Variants in COL21A1 observed in about 807,000 individuals in gnomAD.
COL21A1 encodes the protein collagen type XXI alpha 1 chain, also known as collagen alpha-1(XXI) chain.
A neutral mutation model predicts 137.9 loss-of-function variants in COL21A1; 149 were observed. The observed-to-expected ratio is 1.08, with a 90% confidence interval of 0.95 to 1.24. The LOEUF (loss-of-function observed/expected upper bound fraction) is 1.24. Among genes scored for constraint, COL21A1 ranks in the 50% most tolerant of loss-of-function variants. The pLI is 0.00. For synonymous variants in COL21A1, 456 were observed against 391.5 expected, an observed-to-expected ratio of 1.16 and a Z score of -1.95; for missense variants, 1,167 against 1,158.4, an observed-to-expected ratio of 1.01 and a Z score of -0.11.
At chr6:56,065,066 A>T (rs1325039099) in intron 23 of COL21A1, among the ~76,000 whole-genome samples, 12 of 127,150 alleles carry the variant, frequency 9.4e-5, no homozygotes, top group Admixed American at 7.6e-4. Context: ...ACATTTTAGT[A>T]AAAAAAAAGC....
At chr6:56,364,642 C>T (rs1766055054) in intron 1 of COL21A1, among the ~76,000 whole-genome samples, 1 of 152,082 alleles carries the variant, frequency 6.6e-6, no homozygotes, top group South Asian at 2.1e-4. Flanking sequence ...TGGTGCCCTT[C>T]ATTTTATCTT....
At chr6:56,322,053 G>C (rs1408424597) in intron 1 of COL21A1, among the ~76,000 whole-genome samples, 4 of 152,042 alleles carry the variant, frequency 2.6e-5, no homozygotes, top group Non-Finnish European at 5.9e-5. Context: ...GTTGGACTGA[G>C]AAAAAGCTCC....
chr6:56,168,240 T>C lies in COL21A1; in HGVS notation c.1084A>G (p.Thr362Ala). 1 of 1,573,210 alleles carries C rather than the reference T, an allele frequency of 6.4e-7. No homozygotes were observed. The highest frequency in any genetic ancestry group is 8.6e-7 in the Non-Finnish European group (1 of 1,156,718). ...ATTTGTTGGTCATCAATATACAAAG[T>C]CACATCTTGTTCTGTTACTAAGAGA... Reference protein sequence around the residue: ...IRLLVTEQDVTLYIDDQQIEN... With the variant: ...IRLLVTEQDVALYIDDQQIEN... Residue 362 changes from threonine (T) to alanine (A), a missense_variant, in exon 6 of 30, where the codon ACT (threonine) becomes GCT (alanine). Thr to Ala is a moderately conservative substitution (Grantham distance 58, BLOSUM62 0). Coordinates refer to ENST00000244728, the MANE Select transcript of COL21A1 (RefSeq NM_030820.4).
chr6:56,296,029 T>A (rs984873886), intron 1 of COL21A1, among the ~76,000 whole-genome samples: 1 of 151,992 alleles, frequency 6.6e-6, no homozygotes, highest in African/African-American at 2.4e-5. Flanking sequence ...TGAGAAAGCA[T>A]CTAGTTTCTC....
intron 1 of COL21A1, among the ~76,000 whole-genome samples, chr6:56,391,837 A>G (rs1399564584): frequency 1.3e-5 from 2 of 152,180 alleles, no homozygotes; most frequent in African/African-American, 4.8e-5. Context: ...ATAGACCAAC[A>G]ACAAGTAACA....
chr6:56,188,676 G>A (rs9475596), intron 1 of COL21A1, among the ~76,000 whole-genome samples: 3,294 of 152,244 alleles, frequency 0.022, 121 homozygotes, highest in African/African-American at 0.075. Flanking sequence ...CCTGACGCCC[G>A]TTTATCCTGG....
At chr6:56,073,363 C>T (rs190040124) in intron 20 of COL21A1, among the ~76,000 whole-genome samples, 1 of 151,550 alleles carries the variant, frequency 6.6e-6, no homozygotes, top group East Asian at 2.0e-4. Context: ...GGAAGAGCAG[C>T]TACCTTTTCT....
At chr6:56,100,927 C>A (rs1770403318) in intron 17 of COL21A1, among the ~76,000 whole-genome samples, 1 of 152,096 alleles carries the variant, frequency 6.6e-6, no homozygotes, top group Non-Finnish European at 1.5e-5. Flanking sequence ...GGGTAGGTAC[C>A]TTTGATGAAT....
chr6:56,168,023 C>G (rs1776724671), intron 6 of COL21A1, 101 bp downstream of exon 6: 1 of 823,762 alleles, frequency 1.2e-6, no homozygotes, highest in East Asian at 2.8e-5. Flanking sequence ...TAAGGGAATT[C>G]ATAAGTATGT....
intron 20 of COL21A1, among the ~76,000 whole-genome samples, chr6:56,072,870 C>T (rs1322329627): frequency 6.6e-6 from 1 of 151,412 alleles, no homozygotes; most frequent in Non-Finnish European, 1.5e-5. Flanking sequence ...CTTCTTAGAT[C>T]TATTTTTAAC....
chr6:56,275,301 G>C (rs1226990601), intron 1 of COL21A1, among the ~76,000 whole-genome samples: 2 of 152,104 alleles, frequency 1.3e-5, no homozygotes, highest in African/African-American at 2.4e-5. Flanking sequence ...CATTGCCCTT[G>C]ACAAAGAATT....
At chr6:56,111,362 G>A (rs1459307203) in intron 16 of COL21A1, among the ~76,000 whole-genome samples, 2 of 152,056 alleles carry the variant, frequency 1.3e-5, no homozygotes, top group Non-Finnish European at 2.9e-5. Flanking sequence ...ACTGGATCCT[G>A]GCACAGAAAA....
intron 1 of COL21A1, among the ~76,000 whole-genome samples, chr6:56,374,291 G>T (rs551688972): frequency 6.6e-6 from 1 of 152,254 alleles, no homozygotes; most frequent in African/African-American, 2.4e-5. Context: ...CTCTTACATA[G>T]AATTTTTTTC....
chr6:56,064,134 A>G (rs564411569), intron 24 of COL21A1, among the ~76,000 whole-genome samples: 1 of 152,202 alleles, frequency 6.6e-6, no homozygotes, highest in Admixed American at 6.6e-5. Context: ...ATATCTCCAG[A>G]GCAGTAAATT....
intron 12 of COL21A1, among the ~76,000 whole-genome samples, chr6:56,130,961 G>C (rs1925167): frequency 0.044 from 6,730 of 152,172 alleles, 295 homozygotes; most frequent in African/African-American, 0.11. Flanking sequence ...TCCAGGATGG[G>C]CATGTAACAT....
chr6:56,119,162 A>T (rs1453891542), intron 16 of COL21A1, among the ~76,000 whole-genome samples: 3 of 152,112 alleles, frequency 2.0e-5, no homozygotes, highest in South Asian at 2.1e-4. Flanking sequence ...TGATGATATA[A>T]TCTTTTATTT....
chr6:56,286,090 C>T (rs1475392161), intron 1 of COL21A1, among the ~76,000 whole-genome samples: 1 of 152,074 alleles, frequency 6.6e-6, no homozygotes, highest in Non-Finnish European at 1.5e-5. Context: ...GTCTTAAAAA[C>T]TGGCCAGTCA....
chr6:56,100,152 A>G (rs190688649), intron 17 of COL21A1, among the ~76,000 whole-genome samples: 2 of 152,226 alleles, frequency 1.3e-5, no homozygotes, highest in Non-Finnish European at 2.9e-5. Flanking sequence ...TCAGGACCTC[A>G]TTAAGATCAT....
chr6:56,122,842 A>G (rs1315138554), intron 16 of COL21A1, among the ~76,000 whole-genome samples: 3 of 152,202 alleles, frequency 2.0e-5, no homozygotes, highest in Non-Finnish European at 4.4e-5. Context: ...CTTTCATACC[A>G]TTCTAGATAG....
Sources: gnomAD v4.1 joint callset for allele counts (sites outside exome capture counted in the v4.1 genomes callset) on GRCh38, gnomAD v4.1.1 for gene constraint, MANE v1.5 for transcripts, NCBI Gene and HGNC (gene_info 2026-07-23, HGNC 2026-07-21) for gene names.